The following CKAP2L variants were observed in gnomAD, a reference collection of about 807,000 sequenced individuals.
The protein encoded by CKAP2L is cytoskeleton-associated protein 2-like.
CKAP2L carries 42 observed loss-of-function variants against 65.7 expected under a neutral mutation model. The observed-to-expected ratio is 0.64, with a 90% confidence interval of 0.50 to 0.83. The LOEUF is 0.83. Among genes scored for constraint, CKAP2L ranks in the 40% least tolerant of loss-of-function variants. CKAP2L has a pLI of 0.00. For missense variants in CKAP2L, 908 were observed against 871.0 expected (o/e 1.04, Z -0.53); for synonymous variants, 325 against 313.5 (o/e 1.04, Z -0.39).
At chr2:112,741,940 GTTTTTTTTTTT>G (rs57634251) in intron 7 of CKAP2L, among the ~76,000 whole-genome samples, 21 of 71,902 alleles carry the variant, frequency 2.9e-4, no homozygotes, top group South Asian at 5.7e-4. Context: ...TTTCTTTTCT[GTTTTTTTTTTT>G]TTTTTTTTTT....
At position 112,746,545 on chromosome 2, in the gene CKAP2L, A is replaced by G; in HGVS notation, c.1633T>C (p.Leu545=). The change falls in exon 6 of 9, where the codon TTG becomes CTG. Residue 545 remains leucine (L), a synonymous_variant. Transcript: ENST00000302450. ...TTTTCAGCTTCAGGAATGCTGGACA[A>G]TATGTTAAGTATTTCATTAGAAGGT... ...GVPSNEILNI[L]SSIPEAEKFA... is the part of the protein sequence containing the mutation. The G allele has an allele frequency of 1.2e-6, 2 of 1,612,680 alleles. No individual in the cohort carries two copies. The highest frequency in any genetic ancestry group is 1.7e-6 in the Non-Finnish European group (2 of 1,178,946).
intron 7 of CKAP2L, among the ~76,000 whole-genome samples, chr2:112,741,534 C>T (rs1214240734): frequency 6.6e-6 from 1 of 152,204 alleles, no homozygotes; most frequent in Non-Finnish European, 1.5e-5. Flanking sequence ...CAGACTGTGC[C>T]AGGCACACTG....
chr2:112,756,715 T>C lies in CKAP2L; in HGVS notation c.656A>G (p.Asn219Ser). 1 of 1,593,394 alleles carries C rather than the reference T, an allele frequency of 6.3e-7. No individual in the cohort carries two copies. The highest frequency in any genetic ancestry group is 2.2e-5 in the East Asian group (1 of 44,832). The change falls in exon 4 of 9, where the codon AAC (asparagine) becomes AGC (serine). Residue 219 changes from asparagine (N) to serine (S), a missense_variant. Transcript: ENST00000302450. ...PKTDSYNQTK[N>S]SLVPKQALGK... ...CAAGGCTTGTTTAGGAACTAAACTG[T>C]TCTTGGTTTGATTATAAGAGTCAGT...
rs765776128 is a variant in CKAP2L, at chr2:112,738,804, T to TA, written c.*18dup. On this transcript the variant is annotated 3_prime_UTR_variant, in exon 9 of 9. Transcript: ENST00000302450. ...TATGTTGGTTCTGAAACACCTTTTT[T>TA]AAAAAAAGCATCAAGAAATTATGAT... 9.8e-6 allele frequency: 15 copies of TA among 1,529,336 alleles called. No homozygotes were observed. In the East Asian group the frequency reaches 1.3e-4, roughly 14 times the overall value. The allele number at this position is 1,529,336 out of a possible 1,614,324, so 94.7% of individuals were successfully genotyped here. A position where few individuals can be genotyped will look rare whatever the true frequency, so the allele number is the denominator to read the frequency against.
intron 6 of CKAP2L, among the ~76,000 whole-genome samples, chr2:112,744,983 T>C (rs1037488839): frequency 1.5e-4 from 22 of 151,262 alleles, no homozygotes; most frequent in African/African-American, 5.4e-4. Flanking sequence ...GGAGAAGAAA[T>C]AGACAATGTA....
chr2:112,744,129 T>C (rs893239036), intron 6 of CKAP2L, among the ~76,000 whole-genome samples: 10 of 152,380 alleles, frequency 6.6e-5, no homozygotes, highest in African/African-American at 2.2e-4. Context: ...TCATCAAGCA[T>C]ATTTTATATT....
chr2:112,761,062 C>T (rs1445784736), intron 2 of CKAP2L, among the ~76,000 whole-genome samples: 1 of 151,352 alleles, frequency 6.6e-6, no homozygotes, highest in African/African-American at 2.4e-5. Context: ...ATATGTGTTT[C>T]CTTCATATTT....
chr2:112,758,558 G>C (rs1287473637), intron 3 of CKAP2L, among the ~76,000 whole-genome samples: 2 of 152,142 alleles, frequency 1.3e-5, no homozygotes, highest in African/African-American at 4.8e-5. Flanking sequence ...GGGAGTGGGA[G>C]GCAGAGAGAT....
At chr2:112,758,598 G>C (rs1680615864) in intron 3 of CKAP2L, among the ~76,000 whole-genome samples, 1 of 152,154 alleles carries the variant, frequency 6.6e-6, no homozygotes, top group Non-Finnish European at 1.5e-5. Flanking sequence ...GCTATATCTG[G>C]ATTAATCTTT....
In CKAP2L at chr2:112,737,130, T is replaced by A. The variant is rs940463480; in HGVS notation, c.*1693A>T. 6.6e-6 allele frequency: 1 copy of A among 152,156 alleles called. No individual in the cohort carries two copies. The highest frequency in any genetic ancestry group is 1.5e-5 in the Non-Finnish European group (1 of 68,036). The allele number at this position is 152,156 out of a possible 1,614,324, so 9.4% of individuals were successfully genotyped here. A position where few individuals can be genotyped will look rare whatever the true frequency, so the allele number is the denominator to read the frequency against. On this transcript the variant is annotated 3_prime_UTR_variant, in exon 9 of 9. Coordinates refer to ENST00000302450, the MANE Select transcript of CKAP2L (RefSeq NM_152515.5). ...TTAGTAGAGACGGGGTTTCACCATG[T>A]TGGTCAAGCTGGTCTTGAACTCCTG... is the stretch of plus-strand genomic sequence containing the variant.
At position 112,740,816 on chromosome 2, in the gene CKAP2L, AC is replaced by A; in HGVS notation, c.2012+1del. On this transcript the variant is annotated splice_donor_variant, in intron 8 of 8. Coordinates refer to ENST00000302450, the MANE Select transcript of CKAP2L (RefSeq NM_152515.5). LOFTEE classifies it high-confidence loss of function. ...ACAAAGTCTGCTTTAGAGTTTGCTTACCTAGGGATTGGACCAATCTGTAATT... is the reference window on the plus strand; with the variant it reads ...ACAAAGTCTGCTTTAGAGTTTGCTTACTAGGGATTGGACCAATCTGTAATT... 1 of 1,601,262 alleles carries A rather than the reference AC, an allele frequency of 6.2e-7. No individual in the cohort carries two copies. Among genetic ancestry groups the A allele is most frequent in the Non-Finnish European group, 8.5e-7 (1 of 1,170,624 alleles).
chr2:112,757,271 A>C (rs1680571440), intron 3 of CKAP2L, 57 bp from the exon 4 acceptor site: 6 of 1,249,644 alleles, frequency 4.8e-6, no homozygotes, highest in Admixed American at 4.8e-5. Flanking sequence ...TATTGTTTTT[A>C]AAATAATAAC....
At chr2:112,742,440 C>T in intron 7 of CKAP2L, 1 of 717,716 alleles carries the variant, frequency 1.4e-6, no homozygotes, top group Non-Finnish European at 2.6e-6. Flanking sequence ...TGTTTGTCTT[C>T]TGCCATCTAG....
At chr2:112,754,406 G>C (rs767491115) in intron 4 of CKAP2L, among the ~76,000 whole-genome samples, 3 of 152,168 alleles carry the variant, frequency 2.0e-5, no homozygotes, top group South Asian at 2.1e-4. Flanking sequence ...ATGATACAAG[G>C]TGAGACATTT....
Position 112,762,545 on chromosome 2 carries a change from T to A in CKAP2L, c.62A>T (p.Glu21Val), listed in dbSNP as rs1012353962. ...AVEERQRKLQEYLAAKGKLKS... is the reference protein window; with the variant it reads ...AVEERQRKLQVYLAAKGKLKS... Reference sequence around the variant, plus strand: ...CAGTTTTCCCTTGGCTGCAAGGTACTCCTGAAGCTTTCTCTGCCGCTCTTC... The same window carrying A: ...CAGTTTTCCCTTGGCTGCAAGGTACACCTGAAGCTTTCTCTGCCGCTCTTC... The change falls in exon 2 of 9, where the codon GAG becomes GTG. Residue 21 changes from glutamate to valine, a missense_variant. Glu to Val is a moderately radical substitution (Grantham distance 121). Transcript: ENST00000302450. The A allele has an allele frequency of 3.8e-5, 62 of 1,613,988 alleles. No homozygotes were observed. Among genetic ancestry groups the A allele is most frequent in the Non-Finnish European group, 4.8e-5 (57 of 1,179,836 alleles).
At chr2:112,755,879 G>C (rs1680516650) in intron 4 of CKAP2L, 98 bp downstream of exon 4, 1 of 1,131,832 alleles carries the variant, frequency 8.8e-7, no homozygotes, top group Non-Finnish European at 1.3e-6. Context: ...AATTACTTAG[G>C]AGCCATTATT....
chr2:112,754,042 T>C (rs991311484), intron 4 of CKAP2L, among the ~76,000 whole-genome samples: 4 of 152,158 alleles, frequency 2.6e-5, no homozygotes, highest in Admixed American at 6.5e-5. Flanking sequence ...CTAGCACACA[T>C]AGGTATTTAA....
rs1317300873 is a variant in CKAP2L, at chr2:112,742,945, A to C, written c.1759-176T>G. ...TATAGCTTCATGAGAAAAGTAAAGG[A>C]ACAGAGAAAATTCTGATTAAGTGTT... On this transcript the variant is annotated intron_variant, in intron 6 of 8. Transcript: ENST00000302450. 1.1e-5 allele frequency: 6 copies of C among 569,968 alleles called. No individual in the cohort carries two copies. The Admixed American group carries it at 2.0e-4, about 19-fold the overall frequency. The allele number at this position is 569,968 out of a possible 1,614,324, so 35.3% of individuals were successfully genotyped here.
chr2:112,760,727 G>A lies in CKAP2L; in HGVS notation c.142C>T (p.Pro48Ser). The A allele has an allele frequency of 6.7e-7, 1 of 1,498,474 alleles. No individual in the cohort carries two copies. Among genetic ancestry groups the A allele is most frequent in the Non-Finnish European group, 9.2e-7 (1 of 1,089,106 alleles). The allele number at this position is 1,498,474 out of a possible 1,614,324, so 92.8% of individuals were successfully genotyped here. ...LKSKNNCQNQPPSKSTIRPKN... is the reference protein window; with the variant it reads ...LKSKNNCQNQSPSKSTIRPKN... The stretch of plus-strand genomic sequence containing the variant: ...TTTCTACTTACAGATTTAGAAGGTG[G>A]TTGATTCTGGCAATTATTCTTGGAT... The change falls in exon 3 of 9, where the codon CCA becomes TCA. Residue 48 changes from proline (P) to serine (S), a missense_variant. Physicochemically the swap from Pro to Ser is moderately conservative, Grantham distance 74. Transcript: ENST00000302450.
Sources: gnomAD v4.1 joint callset for allele counts (sites outside exome capture counted in the v4.1 genomes callset) on GRCh38, gnomAD v4.1.1 for gene constraint, MANE v1.5 for transcripts, NCBI Gene and HGNC (gene_info 2026-07-23, HGNC 2026-07-21) for gene names.